Variants in IQSEC1 observed in about 807,000 individuals in gnomAD.
IQSEC1 encodes the protein IQ motif and SEC7 domain-containing protein 1.
In IQSEC1, 31 loss-of-function variants were observed where a neutral mutation model predicts 91.0. That is an observed-to-expected ratio of 0.34 (90% CI 0.26 to 0.46). The LOEUF is 0.46. IQSEC1 is among the 20% of genes least tolerant of loss of function. The probability of loss-of-function intolerance (pLI) is 1.00; values close to 1 mark genes in which losing one functional copy is unlikely to be tolerated. For synonymous variants in IQSEC1, 699 were observed against 662.6 expected (o/e 1.05, Z -0.84); for missense variants, 1,388 against 1,575.6 (o/e 0.88, Z 2.02).
In IQSEC1 at chr3:12,898,079, G is replaced by A. The variant is rs530608084; in HGVS notation, c.*2904C>T. On this transcript the variant is annotated 3_prime_UTR_variant, in exon 14 of 14. Transcript: ENST00000613206. ...GTGTGACTTGAGAAAGGTGTGCCAAGGGCGTCCTCACAGTGAGAAGGGACC... is the reference window on the plus strand; with the variant it reads ...GTGTGACTTGAGAAAGGTGTGCCAAAGGCGTCCTCACAGTGAGAAGGGACC... 1 of 152,258 alleles carries A rather than the reference G, an allele frequency of 6.6e-6. No individual in the cohort carries two copies. Among genetic ancestry groups the A allele is most frequent in the East Asian group, 1.9e-4 (1 of 5,192 alleles). The allele number at this position is 152,258 out of a possible 1,614,324, so 9.4% of individuals were successfully genotyped here.
intron 1 of IQSEC1, among the ~76,000 whole-genome samples, chr3:13,260,763 C>A (rs976065406): frequency 2.1e-5 from 3 of 144,800 alleles, no homozygotes; most frequent in African/African-American, 7.7e-5. Flanking sequence ...GCAGGGTGCA[C>A]GGGGCGTGGA....
chr3:13,057,135 C>T (rs974768584), intron 1 of IQSEC1, among the ~76,000 whole-genome samples: 1 of 152,158 alleles, frequency 6.6e-6, no homozygotes, highest in African/African-American at 2.4e-5. Flanking sequence ...GAGGCCTTAT[C>T]CTGACTGCAA....
At chr3:13,255,322 CT>C (rs996917881) in intron 1 of IQSEC1, among the ~76,000 whole-genome samples, 1 of 152,152 alleles carries the variant, frequency 6.6e-6, no homozygotes, top group African/African-American at 2.4e-5. Context: ...GGTCTGTCCC[CT>C]GATCCTGAGG....
intron 1 of IQSEC1, among the ~76,000 whole-genome samples, chr3:13,044,724 C>T (rs1281760495): frequency 1.3e-5 from 2 of 152,254 alleles, no homozygotes; most frequent in East Asian, 1.9e-4. Context: ...CATTAGCTTC[C>T]CTCTCACGCC....
At chr3:13,023,243 T>TG (rs901007989) in intron 1 of IQSEC1, among the ~76,000 whole-genome samples, 1 of 152,038 alleles carries the variant, frequency 6.6e-6, no homozygotes, top group Non-Finnish European at 1.5e-5. Context: ...CTGAAGGCCT[T>TG]GGGGTCTGGG....
intron 8 of IQSEC1, 32 bp from the exon 9 acceptor site, chr3:12,913,585 G>T (rs375609571): frequency 6.3e-7 from 1 of 1,586,154 alleles, no homozygotes. Context: ...TGCCACGGCC[G>T]CCCAGCTCTC....
intron 3 of IQSEC1, among the ~76,000 whole-genome samples, chr3:12,932,675 A>G (rs1200269085): frequency 2.0e-5 from 3 of 152,210 alleles, no homozygotes; most frequent in African/African-American, 7.2e-5. Context: ...CCACTGCACA[A>G]ACATGTTCCG....
In IQSEC1 at chr3:13,008,203, C is replaced by T. The variant is rs1225850664; in HGVS notation, c.23+64789G>A. Among the ~76,000 whole-genome samples, 1 of 152,168 alleles carries T rather than the reference C, an allele frequency of 6.6e-6. No individual in the cohort carries two copies. Among genetic ancestry groups the T allele is most frequent in the Non-Finnish European group, 1.5e-5 (1 of 68,038 alleles). On this transcript the variant is annotated intron_variant, in intron 1 of 13. Transcript: ENST00000613206. This position sits in a 1 kb window ranked among gnomAD's most constrained non-coding sequence, Gnocchi z 4.1. ...TCTCCTGGCTATGTCCGTCCATTAC[C>T]ATCACCACCTTGTCACCCTCCGTCT...
At chr3:13,191,792 G>A (rs781668734) in intron 1 of IQSEC1, among the ~76,000 whole-genome samples, 5 of 152,176 alleles carry the variant, frequency 3.3e-5, no homozygotes, top group Non-Finnish European at 5.9e-5. Flanking sequence ...ACCATCTGTG[G>A]AGGTTTTGCA....
chr3:12,908,260 C>T lies in IQSEC1; in HGVS notation c.2755+89G>A. 1 of 1,390,388 alleles carries T rather than the reference C, an allele frequency of 7.2e-7. No individual in the cohort carries two copies. 86.1% of individuals were successfully genotyped at this position (1,390,388 alleles called of 1,614,324 possible). A position where few individuals can be genotyped will look rare whatever the true frequency, so the allele number is the denominator to read the frequency against. The stretch of plus-strand genomic sequence containing the variant: ...CGCACTGGCTTCGCCGCAGGCCCTG[C>T]CCCGCGTGATGCATGCCCTGAATGC... On this transcript the variant is annotated intron_variant, in intron 12 of 13. Coordinates refer to ENST00000613206, the MANE Select transcript of IQSEC1 (RefSeq NM_001134382.3). The surrounding 1 kb of genome is among the most constrained non-coding windows in gnomAD (Gnocchi z 4.9).
intron 1 of IQSEC1, among the ~76,000 whole-genome samples, chr3:12,949,707 A>G (rs1385637131): frequency 1.3e-5 from 2 of 152,006 alleles, no homozygotes; most frequent in Non-Finnish European, 2.9e-5. Context: ...GCACAGGGCT[A>G]TCTTCACCTC....
At chr3:13,242,860 G>A (rs920379797) in intron 1 of IQSEC1, among the ~76,000 whole-genome samples, 6 of 151,932 alleles carry the variant, frequency 3.9e-5, no homozygotes, top group Non-Finnish European at 5.9e-5. Context: ...GAGAGGGAGG[G>A]AAGAGGAGAG....
chr3:13,095,610 T>G (rs1705940873), intron 2 of IQSEC1, among the ~76,000 whole-genome samples: 1 of 151,534 alleles, frequency 6.6e-6, no homozygotes, highest in Non-Finnish European at 1.5e-5. Context: ...CGCCACTCCA[T>G]GACACTGGGT....
At chr3:13,028,941 A>G (rs764210095) in intron 1 of IQSEC1, among the ~76,000 whole-genome samples, 7 of 152,162 alleles carry the variant, frequency 4.6e-5, no homozygotes, top group South Asian at 2.1e-4. Context: ...AGGGATCCTC[A>G]CAAGCCGTTC....
Position 13,193,518 on chromosome 3 carries a change from G to C in IQSEC1, c.273-29385C>G, listed in dbSNP as rs1262253020. Among the ~76,000 whole-genome samples the C allele has an allele frequency of 6.6e-6, 1 of 152,140 alleles. No individual in the cohort carries two copies. Among genetic ancestry groups the C allele is most frequent in the Non-Finnish European group, 1.5e-5 (1 of 68,032 alleles). On this transcript the variant is annotated intron_variant, in intron 1 of 15. Coordinates refer to the IQSEC1 transcript ENST00000648114. The surrounding 1 kb of genome is among the most constrained non-coding windows in gnomAD (Gnocchi z 4.2). ...GGTGACTGGGAACAAGGCACAGAGG[G>C]GACGAAGAGGAGTGCCAGCCCAGGC...
At chr3:13,063,591 C>G (rs1202036303) in intron 1 of IQSEC1, among the ~76,000 whole-genome samples, 2 of 152,216 alleles carry the variant, frequency 1.3e-5, no homozygotes, top group African/African-American at 2.4e-5. Flanking sequence ...GGCCCCGGTT[C>G]TGGGAGGCAT....
Position 13,253,050 on chromosome 3 carries a change from T to C in IQSEC1, c.272+29661A>G, listed in dbSNP as rs2125119045. ...CCCGGTCCCTTATTATCTACGTTTT[T>C]GATAGTAGCCACCCTGGTGGGTGTG... On this transcript the variant is annotated intron_variant, in intron 1 of 15. Coordinates refer to the IQSEC1 transcript ENST00000648114. Among the ~76,000 whole-genome samples, 5 of 152,308 alleles carry C rather than the reference T, an allele frequency of 3.3e-5. No homozygotes were observed. In the Middle Eastern group the frequency reaches 0.017, roughly 518 times the overall value.
chr3:13,173,322 C>T (rs913380328), intron 1 of IQSEC1, among the ~76,000 whole-genome samples: 3 of 152,224 alleles, frequency 2.0e-5, no homozygotes, highest in Admixed American at 6.5e-5. Flanking sequence ...CCACTGGCCT[C>T]GGACCCTCAC....
rs139747980 is a variant in IQSEC1, at chr3:13,048,616, G to A, written c.23+24376C>T. ...ATGGGTCGTCCCAGCTTTAGCCTCC[G>A]TTTCCCTACTTGCTCTCATACAAGA... On this transcript the variant is annotated intron_variant, in intron 1 of 13. Coordinates refer to ENST00000613206, the MANE Select transcript of IQSEC1 (RefSeq NM_001134382.3). 3.3e-4 allele frequency among the ~76,000 whole-genome samples: 51 copies of A among 152,312 alleles called. No individual in the cohort carries two copies. The East Asian group carries it at 8.1e-3, about 24-fold the overall frequency.
Sources: gnomAD v4.1 joint callset for allele counts (sites outside exome capture counted in the v4.1 genomes callset) on GRCh38, gnomAD v4.1.1 for gene constraint, Gnocchi (gnomAD v3.1) non-coding constraint, MANE v1.5 for transcripts, NCBI Gene and HGNC (gene_info 2026-07-23, HGNC 2026-07-21) for gene names.